GNG2: variants seen among roughly 807,000 people sequenced by gnomAD.
GNG2 encodes G protein subunit gamma 2.
A neutral mutation model predicts 5.5 loss-of-function variants in GNG2; 5 were observed. The ratio of observed to expected loss-of-function variants is 0.91; its 90% CI spans 0.48 to 1.92. GNG2 has a LOEUF of 1.92. GNG2 is among the 30% of genes most tolerant of loss of function. GNG2 has a pLI of 0.01. For synonymous variants in GNG2, 28 were observed against 32.0 expected (o/e 0.88, Z 0.42); for missense variants, 55 against 88.4 (o/e 0.62, Z 1.52).
chr14:51,948,209 A>T (rs1481828724), intron 2 of GNG2, among the ~76,000 whole-genome samples: 2 of 152,230 alleles, frequency 1.3e-5, no homozygotes, highest in Non-Finnish European at 2.9e-5. Flanking sequence ...TTTCGGCTAA[A>T]TACACCTAGC....
chr14:51,864,683 C>T (rs574912220), intron 1 of GNG2, among the ~76,000 whole-genome samples: 15 of 152,256 alleles, frequency 9.9e-5, no homozygotes, highest in South Asian at 2.1e-4. Flanking sequence ...GCTACCACTA[C>T]GGAGGCACTG....
intron 2 of GNG2, among the ~76,000 whole-genome samples, chr14:51,890,657 C>T (rs973804144): frequency 1.3e-5 from 2 of 152,072 alleles, no homozygotes; most frequent in African/African-American, 4.8e-5. Flanking sequence ...AGCAATATTC[C>T]TTTGAGTATT....
At chr14:51,883,025 A>G (rs1884202435) in intron 2 of GNG2, among the ~76,000 whole-genome samples, 1 of 149,012 alleles carries the variant, frequency 6.7e-6, no homozygotes, top group Non-Finnish European at 1.5e-5. Context: ...AAAAAAAAGA[A>G]AAAAAAAAAG....
intron 2 of GNG2, among the ~76,000 whole-genome samples, chr14:51,938,913 C>T (rs910529759): frequency 6.6e-6 from 1 of 152,170 alleles, no homozygotes; most frequent in African/African-American, 2.4e-5. Context: ...GTGAGTGGTT[C>T]GTTTTAATAA....
At chr14:51,941,830 T>C (rs1197292086) in intron 2 of GNG2, among the ~76,000 whole-genome samples, 11 of 152,210 alleles carry the variant, frequency 7.2e-5, no homozygotes, top group Admixed American at 7.2e-4. Flanking sequence ...TTTTCATGTT[T>C]CTTGTTGGTT....
intron 3 of GNG2, among the ~76,000 whole-genome samples, chr14:51,965,931 G>A (rs539116145): frequency 4.2e-4 from 64 of 152,046 alleles, no homozygotes; most frequent in Non-Finnish European, 8.8e-4. Flanking sequence ...AAGGAGGGCC[G>A]GGCACAGTGG....
chr14:51,962,023 T>G (rs148892245), intron 3 of GNG2, among the ~76,000 whole-genome samples: 1 of 152,194 alleles, frequency 6.6e-6, no homozygotes. Context: ...TACTCCTGCA[T>G]AGTTATGAAC....
intron 3 of GNG2, among the ~76,000 whole-genome samples, chr14:51,961,654 G>A (rs1054970234): frequency 2.0e-5 from 3 of 152,194 alleles, no homozygotes; most frequent in African/African-American, 2.4e-5. Context: ...TGGATGAGGC[G>A]ATCAGTGAAG....
chr14:51,951,568 A>G (rs181612141), intron 3 of GNG2, among the ~76,000 whole-genome samples: 3 of 152,350 alleles, frequency 2.0e-5, no homozygotes, highest in Admixed American at 2.0e-4. Context: ...GCTCAGACAC[A>G]TATCTCATTG....
chr14:51,853,276 C>T (rs994137170), intron 2 of GNG2, among the ~76,000 whole-genome samples: 6 of 152,186 alleles, frequency 3.9e-5, no homozygotes, highest in African/African-American at 1.2e-4. Context: ...TGAAGAGATG[C>T]GAGACCTAGC....
chr14:51,915,191 T>C lies in GNG2; in HGVS notation c.-29-35459T>C, dbSNP rs150532290. On this transcript the variant is annotated intron_variant, in intron 2 of 3. Transcript: ENST00000556766. ...CTCCCACTAACCTTCTTTGTTCTTT[T>C]CTTAGAATAAGGGCATCATCCTTAA... Among the ~76,000 whole-genome samples, 4 of 152,352 alleles carry C rather than the reference T, an allele frequency of 2.6e-5. No homozygotes were observed. The East Asian group carries it at 7.7e-4, about 29-fold the overall frequency.
chr14:51,843,146 G>A (rs370912203), intron 2 of GNG2, among the ~76,000 whole-genome samples: 29 of 152,088 alleles, frequency 1.9e-4, no homozygotes, highest in Admixed American at 2.6e-4. Context: ...TCTCCTTTCC[G>A]TAAATCATAG....
chr14:51,879,725 A>G (rs1237358340), intron 2 of GNG2, among the ~76,000 whole-genome samples: 1 of 152,210 alleles, frequency 6.6e-6, no homozygotes, highest in Non-Finnish European at 1.5e-5. Context: ...ATTTTTAGCC[A>G]GGAAAGGTTC....
At chr14:51,850,655 C>G (rs1268603392) in intron 2 of GNG2, among the ~76,000 whole-genome samples, 1 of 152,186 alleles carries the variant, frequency 6.6e-6, no homozygotes, top group African/African-American at 2.4e-5. Flanking sequence ...GTTTAATTGG[C>G]TCTCCATTCT....
chr14:51,948,788 T>A (rs1278736180), intron 2 of GNG2, among the ~76,000 whole-genome samples: 1 of 152,180 alleles, frequency 6.6e-6, no homozygotes, highest in Non-Finnish European at 1.5e-5. Context: ...ATTCCTTCAA[T>A]CTTCCCTCTC....
chr14:51,907,274 A>AT (rs1472126619), intron 2 of GNG2, among the ~76,000 whole-genome samples: 3 of 152,250 alleles, frequency 2.0e-5, no homozygotes, highest in Non-Finnish European at 2.9e-5. Flanking sequence ...GTGCTGATTC[A>AT]TTCAGACATT....
At chr14:51,844,874 C>T (rs575045809) in intron 2 of GNG2, among the ~76,000 whole-genome samples, 17 of 152,124 alleles carry the variant, frequency 1.1e-4, no homozygotes, top group East Asian at 9.6e-4. Context: ...TACAGGCGCA[C>T]GCCACCAGGC....
intron 2 of GNG2, chr14:51,912,863 G>GTGTGTA (rs1442860143): frequency 6.6e-6 from 1 of 152,136 alleles, no homozygotes; most frequent in Admixed American, 6.6e-5. Context: ...GGGGGTGTGT[G>GTGTGTA]TGTGTATGTG....
chr14:51,951,899 C>T (rs3825603), intron 3 of GNG2: 22,066 of 699,842 alleles, frequency 0.032, 1,199 homozygotes, highest in African/African-American at 0.11. Context: ...AGTTCACTGA[C>T]CCCTGGTCTA....
Sources: gnomAD v4.1 joint callset for allele counts (sites outside exome capture counted in the v4.1 genomes callset) on GRCh38, gnomAD v4.1.1 for gene constraint, MANE v1.5 for transcripts, NCBI Gene and HGNC (gene_info 2026-07-23, HGNC 2026-07-21) for gene names.